The following WNK1 variants were observed in gnomAD, a reference collection of about 807,000 sequenced individuals.
WNK1 encodes the protein serine/threonine-protein kinase WNK1.
A neutral mutation model predicts 222.8 loss-of-function variants in WNK1; 38 were observed. That is an observed-to-expected ratio of 0.17 (90% confidence interval 0.13 to 0.22). WNK1 has a LOEUF of 0.22. Among genes scored for constraint, WNK1 ranks in the 10% least tolerant of loss-of-function variants. The pLI is 1.00. For missense variants in WNK1, 2,348 were observed against 2,918.4 expected (o/e 0.80, Z 4.50); for synonymous variants, 1,090 against 1,092.9 (o/e 1.00, Z 0.05).
At chr12:757,333 TAA>T (rs368419754) in intron 1 of WNK1, among the ~76,000 whole-genome samples, 11,886 of 71,328 alleles carry the variant, frequency 0.17, 1,144 homozygotes, top group African/African-American at 0.17. Flanking sequence ...TTTTTTTTTT[TAA>T]AAAAAAAAAG....
intron 22 of WNK1, 27 bp from the exon 23 acceptor site, chr12:894,534 GT>G: frequency 6.3e-7 from 1 of 1,589,900 alleles, no homozygotes; most frequent in Non-Finnish European, 8.6e-7. Flanking sequence ...AGACACTTAT[GT>G]TTTCCTCATC....
chr12:865,387 C>G, intron 8 of WNK1: 1 of 1,525,562 alleles, frequency 6.6e-7, no homozygotes, highest in Non-Finnish European at 8.8e-7. Context: ...AAACTTCTGA[C>G]AAATGAACAA....
rs922234561 is a variant in WNK1 at position 827,737 on chromosome 12, C to T, written c.1153+475C>T. ...AGAAATGGGGTTTCACCGTGTTGGC[C>T]AGGCTGGTCTCGAACTCCTGGCCTC... On this transcript the variant is annotated intron_variant, in intron 3 of 27. Transcript: ENST00000315939. This position sits in a 1 kb window ranked among gnomAD's most constrained non-coding sequence, Gnocchi z 4.6. 1.3e-5 allele frequency among the ~76,000 whole-genome samples: 2 copies of T among 152,016 alleles called. No individual in the cohort carries two copies. The highest frequency in any genetic ancestry group is 4.8e-5 in the African/African-American group (2 of 41,392).
Position 884,705 on chromosome 12 carries a change from C to T in WNK1, c.3901C>T (p.Leu1301Phe), listed in dbSNP as rs763724532. Residue 1301 changes from leucine (L) to phenylalanine (F), a missense_variant, in exon 19 of 28, where the codon CTT becomes TTT. Leu to Phe is a conservative substitution (Grantham distance 22). Around this residue, in one of 13 missense-constraint regions of WNK1, gnomAD observed 1,144 missense variants for 1,273.6 expected, o/e 0.90. Coordinates refer to ENST00000315939, the MANE Select transcript of WNK1 (RefSeq NM_018979.4). This position sits in a 1 kb window ranked among gnomAD's most constrained non-coding sequence, Gnocchi z 5.6. Reference protein sequence around the residue: ...GMNLSHSASSLSLQQAFSELR... With the variant: ...GMNLSHSASSFSLQQAFSELR... ...GAACTTGTCTCACTCTGCATCATCC[C>T]TTAGTCTACAACAGGCCTTTTCTGA... is the stretch of plus-strand genomic sequence containing the variant. The T allele has an allele frequency of 2.5e-6, 4 of 1,614,194 alleles. No individual in the cohort carries two copies. Among genetic ancestry groups the T allele is most frequent in the Non-Finnish European group, 3.4e-6 (4 of 1,180,032 alleles).
In WNK1 at chr12:827,653, C is replaced by T. The variant is rs1231824838; in HGVS notation, c.1153+391C>T. ...AAGCGATTCTTGTGCCTCAGCCTCC[C>T]GAGTAGCTGGGATTACAGGCATGCA... On this transcript the variant is annotated intron_variant, in intron 3 of 27. Coordinates refer to ENST00000315939, the MANE Select transcript of WNK1 (RefSeq NM_018979.4). This position sits in a 1 kb window ranked among gnomAD's most constrained non-coding sequence, Gnocchi z 4.6. Among the ~76,000 whole-genome samples the T allele has an allele frequency of 2.0e-5, 3 of 151,988 alleles. No individual in the cohort carries two copies. Among genetic ancestry groups the T allele is most frequent in the South Asian group, 4.1e-4 (2 of 4,828 alleles).
intron 1 of WNK1, among the ~76,000 whole-genome samples, chr12:795,804 G>C (rs1488720706): frequency 6.6e-6 from 1 of 151,932 alleles, no homozygotes; most frequent in Non-Finnish European, 1.5e-5. Context: ...TTTTCTCTTT[G>C]TTCCTTTAAA....
chr12:891,359 A>G (rs909347035), intron 22 of WNK1, among the ~76,000 whole-genome samples: 2 of 152,200 alleles, frequency 1.3e-5, no homozygotes, highest in African/African-American at 4.8e-5. Context: ...GCTGGTCGCA[A>G]ACTCCTGACC....
At chr12:761,814 A>C (rs1941060852) in intron 1 of WNK1, among the ~76,000 whole-genome samples, 1 of 147,304 alleles carries the variant, frequency 6.8e-6, no homozygotes, top group South Asian at 2.2e-4. Flanking sequence ...CGGGAAATGC[A>C]ACAGATTTAT....
At chr12:871,175 G>T in intron 8 of WNK1, 90 bp from the exon 9 acceptor site, 1 of 1,223,314 alleles carries the variant, frequency 8.2e-7, no homozygotes, top group Non-Finnish European at 1.2e-6. Context: ...AGCAAACTCT[G>T]AGGAGATTAA....
chr12:791,244 CACACACACACACAT>C (rs1490275594), intron 1 of WNK1, among the ~76,000 whole-genome samples: 1 of 151,804 alleles, frequency 6.6e-6, no homozygotes, highest in Non-Finnish European at 1.5e-5. Flanking sequence ...CACACACACA[CACACACACACACAT>C]ACACAAAATT....
At chr12:819,043 A>T (rs767460038) in intron 2 of WNK1, among the ~76,000 whole-genome samples, 1 of 152,198 alleles carries the variant, frequency 6.6e-6, no homozygotes, top group East Asian at 1.9e-4. Flanking sequence ...GAGGCATCCT[A>T]CCGGGAGTGA....
At chr12:903,564 T>A (rs910539625) in intron 26 of WNK1, among the ~76,000 whole-genome samples, 2 of 152,210 alleles carry the variant, frequency 1.3e-5, no homozygotes, top group African/African-American at 4.8e-5. Flanking sequence ...AATACCACTT[T>A]AATTAAATTC....
At chr12:788,773 G>A (rs549375180) in intron 1 of WNK1, among the ~76,000 whole-genome samples, 15 of 151,994 alleles carry the variant, frequency 9.9e-5, no homozygotes, top group African/African-American at 3.6e-4. Flanking sequence ...TGTAATCCCA[G>A]CTACCCAGGA....
intron 9 of WNK1, among the ~76,000 whole-genome samples, chr12:871,792 G>A (rs1465258235): frequency 1.3e-5 from 2 of 152,004 alleles, no homozygotes; most frequent in Non-Finnish European, 2.9e-5. Context: ...TAGTAGAGAC[G>A]GGGTTTCACC....
rs1955179603 is a variant in WNK1, at chr12:900,675, T to C, written c.6643+5T>C. 1 of 1,614,006 alleles carries C rather than the reference T, an allele frequency of 6.2e-7. No individual in the cohort carries two copies. ...GCCTTTCTGCTCCAGGTCAAGGTAA[T>C]AAAGCAACCATCATCGTCCAAAAAC... On this transcript the variant is annotated splice_donor_5th_base_variant and intron_variant, in intron 26 of 27. Coordinates refer to ENST00000315939, the MANE Select transcript of WNK1 (RefSeq NM_018979.4).
rs1382930919 is a variant in WNK1, at chr12:896,933, C to CG, written c.6245+201_6245+202insG. Among the ~76,000 whole-genome samples, 34 of 103,208 alleles carry CG rather than the reference C, an allele frequency of 3.3e-4. 1 individual carries two copies. Among genetic ancestry groups the CG allele is most frequent in the African/African-American group, 1.1e-3 (32 of 28,592 alleles). 67.7% of individuals were successfully genotyped at this position (103,208 alleles called of 152,430 possible). On this transcript the variant is annotated intron_variant, in intron 24 of 27. Coordinates refer to ENST00000315939, the MANE Select transcript of WNK1 (RefSeq NM_018979.4). ...ACACACACACACACACACACACACA[C>CG]ACACACGATTCCCAACCACTGACTC...
intron 1 of WNK1, among the ~76,000 whole-genome samples, chr12:790,157 C>T (rs1225408781): frequency 2.0e-5 from 3 of 152,104 alleles, no homozygotes; most frequent in African/African-American, 7.2e-5. Context: ...CTCACTCTTG[C>T]GAGATGGGGA....
Position 860,105 on chromosome 12 carries a change from G to A in WNK1, c.1620+641G>A, listed in dbSNP as rs370636161. ...AGGTAGAACTAGTAGAATGCATTCC[G>A]AAGTCATTTTGAAAAGTCTGTAAGA... On this transcript the variant is annotated intron_variant, in intron 6 of 27. Transcript: ENST00000315939. Among the ~76,000 whole-genome samples, 3 of 152,094 alleles carry A rather than the reference G, an allele frequency of 2.0e-5. No individual in the cohort carries two copies. The South Asian group carries it at 6.2e-4, about 31-fold the overall frequency.
At chr12:905,057 G>A (rs1955584089) in intron 26 of WNK1, among the ~76,000 whole-genome samples, 1 of 152,200 alleles carries the variant, frequency 6.6e-6, no homozygotes, top group African/African-American at 2.4e-5. Flanking sequence ...ATAGGTTATT[G>A]TTAGTAGGAT....
Sources: gnomAD v4.1 joint callset for allele counts (sites outside exome capture counted in the v4.1 genomes callset) on GRCh38, gnomAD v4.1.1 for gene constraint, gnomAD v4.1.1 regional missense constraint, Gnocchi (gnomAD v3.1) non-coding constraint, MANE v1.5 for transcripts, NCBI Gene and HGNC (gene_info 2026-07-23, HGNC 2026-07-21) for gene names.